PCSK2: variants seen among roughly 807,000 people sequenced by gnomAD.
PCSK2 encodes proprotein convertase subtilisin/kexin type 2.
A neutral mutation model predicts 69.7 loss-of-function variants in PCSK2; 14 were observed. The observed-to-expected ratio is 0.20, with a 90% CI of 0.13 to 0.31. The LOEUF (loss-of-function observed/expected upper bound fraction) is 0.31, where lower values mean the gene tolerates loss of function less well. Among genes scored for constraint, PCSK2 ranks in the 10% least tolerant of loss-of-function variants. The pLI, the probability that PCSK2 is intolerant of heterozygous loss-of-function variation, is 1.00. For missense variants in PCSK2, 544 were observed against 842.5 expected, an observed-to-expected ratio of 0.65 and a Z score of 4.39; for synonymous variants, 307 against 320.7, an observed-to-expected ratio of 0.96 and a Z score of 0.46.
chr20:17,277,900 G>A (rs1988152154), intron 2 of PCSK2, among the ~76,000 whole-genome samples: 2 of 152,054 alleles, frequency 1.3e-5, no homozygotes, highest in Non-Finnish European at 2.9e-5. Flanking sequence ...CCATCAAAAA[G>A]TGGGCGAAGG....
intron 2 of PCSK2, among the ~76,000 whole-genome samples, chr20:17,287,159 A>C (rs1988539838): frequency 6.6e-6 from 1 of 152,206 alleles, no homozygotes; most frequent in Non-Finnish European, 1.5e-5. Context: ...ACATCTAAAA[A>C]AAAAAAATAC....
At chr20:17,363,789 GTGCTAGA>G (rs2030487951) in intron 4 of PCSK2, among the ~76,000 whole-genome samples, 1 of 152,182 alleles carries the variant, frequency 6.6e-6, no homozygotes, top group Non-Finnish European at 1.5e-5. Flanking sequence ...TAATCACTAT[GTGCTAGA>G]CACTGCTTAG....
chr20:17,280,203 T>C (rs1988254786), intron 2 of PCSK2, among the ~76,000 whole-genome samples: 1 of 152,212 alleles, frequency 6.6e-6, no homozygotes, highest in Non-Finnish European at 1.5e-5. Flanking sequence ...AATTCCTTTC[T>C]TCCATTTAGT....
chr20:17,304,641 T>A (rs188473683), intron 2 of PCSK2, among the ~76,000 whole-genome samples: 48 of 152,340 alleles, frequency 3.2e-4, no homozygotes, highest in Non-Finnish European at 5.7e-4. Context: ...CACATTTTTT[T>A]AAAATCTGTG....
At chr20:17,414,884 T>C (rs992930394) in intron 6 of PCSK2, among the ~76,000 whole-genome samples, 5 of 152,124 alleles carry the variant, frequency 3.3e-5, no homozygotes, top group South Asian at 2.1e-4. Context: ...GTTCAACATA[T>C]GCAAATCAGT....
intron 1 of PCSK2, among the ~76,000 whole-genome samples, chr20:17,235,199 C>T (rs1303455875): frequency 5.3e-5 from 8 of 151,902 alleles, no homozygotes; most frequent in Admixed American, 1.3e-4. Context: ...CTGAGATTGT[C>T]GATAAAAATA....
chr20:17,430,183 A>G (rs2032335404), intron 7 of PCSK2, among the ~76,000 whole-genome samples: 1 of 152,128 alleles, frequency 6.6e-6, no homozygotes, highest in African/African-American at 2.4e-5. Context: ...AAGTCACTGG[A>G]AATTTAGAAC....
chr20:17,478,656 A>G (rs2033334843), intron 11 of PCSK2, among the ~76,000 whole-genome samples: 1 of 152,212 alleles, frequency 6.6e-6, no homozygotes, highest in South Asian at 2.1e-4. Flanking sequence ...TAAAAAATGA[A>G]AAGATATTAG....
intron 11 of PCSK2, among the ~76,000 whole-genome samples, chr20:17,474,550 G>A (rs2033259222): frequency 6.6e-6 from 1 of 152,164 alleles, no homozygotes; most frequent in Non-Finnish European, 1.5e-5. Context: ...GGTGGCCTGT[G>A]TTCTAGTTTC....
intron 10 of PCSK2, among the ~76,000 whole-genome samples, chr20:17,457,874 T>C (rs1292162959): frequency 6.6e-6 from 1 of 152,240 alleles, no homozygotes. Flanking sequence ...CACAGTCTTC[T>C]GGATTTTTGA....
chr20:17,445,485 G>T (rs138861561), intron 8 of PCSK2, among the ~76,000 whole-genome samples: 1 of 152,256 alleles, frequency 6.6e-6, no homozygotes, highest in Non-Finnish European at 1.5e-5. Flanking sequence ...TCCCTAAGGG[G>T]CTGCAAAGGG....
At chr20:17,285,995 T>C (rs939122879) in intron 2 of PCSK2, among the ~76,000 whole-genome samples, 1 of 152,262 alleles carries the variant, frequency 6.6e-6, no homozygotes, top group African/African-American at 2.4e-5. Context: ...AGTTAAATTG[T>C]ATTTTATGTG....
chr20:17,285,485 A>ACT (rs1293849243), intron 2 of PCSK2, among the ~76,000 whole-genome samples: 3 of 152,114 alleles, frequency 2.0e-5, no homozygotes, highest in Admixed American at 2.0e-4. Flanking sequence ...AGCATGGGTG[A>ACT]CTCTATTTTG....
intron 5 of PCSK2, among the ~76,000 whole-genome samples, chr20:17,382,991 C>G (rs894012561): frequency 2.6e-5 from 4 of 152,082 alleles, no homozygotes; most frequent in African/African-American, 9.7e-5. Flanking sequence ...GTCTGTGGTT[C>G]TGTATTTTTG....
intron 1 of PCSK2, among the ~76,000 whole-genome samples, chr20:17,243,455 C>T (rs545037869): frequency 2.0e-5 from 3 of 149,640 alleles, no homozygotes; most frequent in Non-Finnish European, 4.4e-5. Flanking sequence ...CTGTCTCAGC[C>T]TCCCAAAGTG....
chr20:17,296,988 C>T (rs1193770586), intron 2 of PCSK2, among the ~76,000 whole-genome samples: 1 of 152,096 alleles, frequency 6.6e-6, no homozygotes, highest in Non-Finnish European at 1.5e-5. Context: ...AGAGTGGCCC[C>T]TTTATATATT....
chr20:17,299,218 T>C (rs1403724552), intron 2 of PCSK2, among the ~76,000 whole-genome samples: 1 of 152,192 alleles, frequency 6.6e-6, no homozygotes, highest in African/African-American at 2.4e-5. Flanking sequence ...GAGGATTTAT[T>C]TTGGTGTTTG....
chr20:17,466,473 T>A (rs896765291), intron 11 of PCSK2, among the ~76,000 whole-genome samples: 1 of 152,036 alleles, frequency 6.6e-6, no homozygotes, highest in African/African-American at 2.4e-5. Flanking sequence ...CTGAGTGAGG[T>A]GGATTTTGCC....
chr20:17,386,585 A>C (rs2123262990), intron 5 of PCSK2, among the ~76,000 whole-genome samples: 1 of 152,340 alleles, frequency 6.6e-6, no homozygotes, highest in Admixed American at 6.5e-5. Context: ...ATCTAGAGTA[A>C]TCAAACTCAT....
Sources: allele counts gnomAD v4.1 joint callset (sites outside exome capture counted in the v4.1 genomes callset), GRCh38; gene constraint gnomAD v4.1.1; transcripts MANE v1.5; gene names NCBI Gene and HGNC (gene_info 2026-07-23, HGNC 2026-07-21).